Variants in MMAB observed in about 807,000 individuals in gnomAD.
MMAB encodes the protein metabolism of cobalamin associated B.
Under a neutral mutation model 30.6 loss-of-function variants are expected in MMAB, and 17 were observed. That is an observed-to-expected ratio of 0.56 (90% CI 0.38 to 0.83). MMAB has a LOEUF of 0.83. MMAB is among the 40% of genes least tolerant of loss of function. The pLI, the probability that MMAB is intolerant of heterozygous loss-of-function variation, is 0.00. For synonymous variants in MMAB, 134 were observed against 138.6 expected, an observed-to-expected ratio of 0.97 and a Z score of 0.23; for missense variants, 311 against 331.6, an observed-to-expected ratio of 0.94 and a Z score of 0.48.
Position 109,554,051 on chromosome 12 carries a change from C to T in MMAB, c.*2977G>A, listed in dbSNP as rs376090535. ...GGATCTATCAGAGCCTGGCATTGTT[C>T]GCCACAGCCCAGGTAGTGATTAAAA... On this transcript the variant is annotated 3_prime_UTR_variant, in exon 9 of 9. Transcript: ENST00000545712. 13 of 454,112 alleles carry T rather than the reference C, an allele frequency of 2.9e-5. No homozygotes were observed. The highest frequency in any genetic ancestry group is 1.7e-4 in the South Asian group (11 of 64,478). 28.1% of individuals were successfully genotyped at this position (454,112 alleles called of 1,614,324 possible). A position where few individuals can be genotyped will look rare whatever the true frequency, so the allele number is the denominator to read the frequency against.
chr12:109,562,261 A>G (rs1400207324), intron 4 of MMAB, among the ~76,000 whole-genome samples: 1 of 152,202 alleles, frequency 6.6e-6, no homozygotes, highest in South Asian at 2.1e-4. Context: ...CCTCCCCAGA[A>G]GCAGAAGCCT....
intron 8 of MMAB, 22 bp downstream of exon 8, chr12:109,559,073 AC>A: frequency 1.9e-6 from 3 of 1,602,080 alleles, no homozygotes; most frequent in Non-Finnish European, 2.6e-6. Flanking sequence ...TCAGAGAGGA[AC>A]CCCCAGGTTC....
At position 109,561,145 on chromosome 12, in the gene MMAB, G is replaced by C. The variant is rs199961081; in HGVS notation, c.520-41C>G. On this transcript the variant is annotated intron_variant, in intron 6 of 8. Coordinates refer to ENST00000545712, the MANE Select transcript of MMAB (RefSeq NM_052845.4). The surrounding 1 kb of genome is among the most constrained non-coding windows in gnomAD (Gnocchi z 5.3). ...GACATTGCCTGAGCAGGGTGGGAAAGGTGTGCCCACTGCGGACAGGAGCTC... is the reference window on the plus strand; with the variant it reads ...GACATTGCCTGAGCAGGGTGGGAAACGTGTGCCCACTGCGGACAGGAGCTC... 6.2e-7 allele frequency: 1 copy of C among 1,604,086 alleles called. No individual in the cohort carries two copies. The highest frequency in any genetic ancestry group is 8.5e-7 in the Non-Finnish European group (1 of 1,178,960).
chr12:109,572,626 G>A (rs183635353), intron 1 of MMAB, among the ~76,000 whole-genome samples: 176 of 151,956 alleles, frequency 1.2e-3, no homozygotes, highest in African/African-American at 4.2e-3. Flanking sequence ...CATGATCATA[G>A]CTCACTGCAG....
At chr12:109,563,054 G>C (rs977204841) in intron 4 of MMAB, among the ~76,000 whole-genome samples, 37 of 152,242 alleles carry the variant, frequency 2.4e-4, no homozygotes, top group African/African-American at 8.9e-4. Context: ...TGGTGTGTGA[G>C]AGCAGAGGCT....
At chr12:109,559,253 G>A (rs1410241366) in intron 7 of MMAB, 98 bp from the exon 8 acceptor site, 14 of 909,852 alleles carry the variant, frequency 1.5e-5, no homozygotes, top group African/African-American at 1.6e-5. Flanking sequence ...TCCTGCCACC[G>A]CTCAACCTGA....
At chr12:109,563,280 G>C (rs1223909938) in intron 4 of MMAB, among the ~76,000 whole-genome samples, 1 of 152,240 alleles carries the variant, frequency 6.6e-6, no homozygotes, top group African/African-American at 2.4e-5. Context: ...GCCTGGCTGT[G>C]GGGGCTGGGC....
At chr12:109,563,706 G>A (rs144477721) in intron 4 of MMAB, among the ~76,000 whole-genome samples, 4 of 152,346 alleles carry the variant, frequency 2.6e-5, no homozygotes, top group Admixed American at 2.0e-4. Context: ...GAGGTTGAAA[G>A]CCTTCCTCCA....
At position 109,553,897 on chromosome 12, in the gene MMAB, G is replaced by A. The variant is rs552636853; in HGVS notation, c.*3131C>T. 6.2e-5 allele frequency: 28 copies of A among 453,954 alleles called. No homozygotes were observed. Among genetic ancestry groups the A allele is most frequent in the Non-Finnish European group, 1.0e-4 (23 of 226,798 alleles). 28.1% of individuals were successfully genotyped at this position (453,954 alleles called of 1,614,324 possible). On this transcript the variant is annotated 3_prime_UTR_variant, in exon 9 of 9. Coordinates refer to ENST00000545712, the MANE Select transcript of MMAB (RefSeq NM_052845.4). Reference sequence around the variant, plus strand: ...GACATTGCCACTGACGGGGGCTTCCGAACTGGGGACGTTTGTCATTGGGAT... The same window carrying A: ...GACATTGCCACTGACGGGGGCTTCCAAACTGGGGACGTTTGTCATTGGGAT...
At chr12:109,572,807 T>C (rs1295146108) in intron 1 of MMAB, among the ~76,000 whole-genome samples, 1 of 152,148 alleles carries the variant, frequency 6.6e-6, no homozygotes, top group East Asian at 1.9e-4. Flanking sequence ...TACTCAGAGA[T>C]GAAGAATTGC....
Position 109,554,564 on chromosome 12 carries a change from C to T in MMAB, c.*2464G>A. Reference sequence around the variant, plus strand: ...AACAGGCTGCTGTTTGTTTCAAAACCCCGTGTTCCCGTGCAATGGGACTGA... The same window carrying T: ...AACAGGCTGCTGTTTGTTTCAAAACTCCGTGTTCCCGTGCAATGGGACTGA... On this transcript the variant is annotated 3_prime_UTR_variant, in exon 9 of 9. Transcript: ENST00000545712. The T allele has an allele frequency of 4.4e-6, 2 of 454,078 alleles. No homozygotes were observed. The highest frequency in any genetic ancestry group is 8.8e-6 in the Non-Finnish European group (2 of 226,792). The allele number at this position is 454,078 out of a possible 1,614,324, so 28.1% of individuals were successfully genotyped here. A position where few individuals can be genotyped will look rare whatever the true frequency, so the allele number is the denominator to read the frequency against.
rs769093129 is a variant in MMAB, at chr12:109,556,283, G to A, written c.*745C>T. 3.7e-5 allele frequency: 17 copies of A among 453,910 alleles called. No homozygotes were observed. Among genetic ancestry groups the A allele is most frequent in the Non-Finnish European group, 5.3e-5 (12 of 226,778 alleles). 28.1% of individuals were successfully genotyped at this position (453,910 alleles called of 1,614,324 possible). On this transcript the variant is annotated 3_prime_UTR_variant, in exon 9 of 9. Transcript: ENST00000545712. ...TTTCTCAAGCTGAAGATGCTGCACC[G>A]CAGACCCTTGACTCAGTCCAACCAG...
rs1480868193 is a variant in MMAB at position 109,556,048 on chromosome 12, T to G, written c.*980A>C. On this transcript the variant is annotated 3_prime_UTR_variant, in exon 9 of 9. Coordinates refer to ENST00000545712, the MANE Select transcript of MMAB (RefSeq NM_052845.4). Reference sequence around the variant, plus strand: ...TAGCAGCCTGCAGTCTTTAGGTTCTTGGGGCTGCCTCTTCTGCCCTTCATA... The same window carrying G: ...TAGCAGCCTGCAGTCTTTAGGTTCTGGGGGCTGCCTCTTCTGCCCTTCATA... The G allele has an allele frequency of 2.2e-6, 1 of 454,076 alleles. No individual in the cohort carries two copies. Among genetic ancestry groups the G allele is most frequent in the Admixed American group, 2.3e-5 (1 of 42,570 alleles). The allele number at this position is 454,076 out of a possible 1,614,324, so 28.1% of individuals were successfully genotyped here. A position where few individuals can be genotyped will look rare whatever the true frequency, so the allele number is the denominator to read the frequency against.
chr12:109,565,488 A>G (rs980263196), intron 3 of MMAB, among the ~76,000 whole-genome samples: 7 of 152,204 alleles, frequency 4.6e-5, no homozygotes, highest in African/African-American at 1.7e-4. Flanking sequence ...AGTTGGTGAC[A>G]GGGTGAGCAG....
chr12:109,572,795 T>A (rs1041961712), intron 1 of MMAB, among the ~76,000 whole-genome samples: 3 of 152,120 alleles, frequency 2.0e-5, no homozygotes, highest in Non-Finnish European at 4.4e-5. Flanking sequence ...AGGCTTCGAG[T>A]GTACTCAGAG....
chr12:109,556,467 A>C lies in MMAB; in HGVS notation c.*561T>G, dbSNP rs1433324963. ...CAATCTGCAGCTATCCTTCCCCCAC[A>C]CTTTGGCGGTGATGGGTGGCTCAGA... is the stretch of plus-strand genomic sequence containing the variant. On this transcript the variant is annotated 3_prime_UTR_variant, in exon 9 of 9. Coordinates refer to ENST00000545712, the MANE Select transcript of MMAB (RefSeq NM_052845.4). 1 of 453,812 alleles carries C rather than the reference A, an allele frequency of 2.2e-6. No individual in the cohort carries two copies. Among genetic ancestry groups the C allele is most frequent in the Non-Finnish European group, 4.4e-6 (1 of 226,772 alleles). 28.1% of individuals were successfully genotyped at this position (453,812 alleles called of 1,614,324 possible). A position where few individuals can be genotyped will look rare whatever the true frequency, so the allele number is the denominator to read the frequency against.
chr12:109,566,232 A>C (rs930115481), intron 3 of MMAB, among the ~76,000 whole-genome samples: 3 of 152,312 alleles, frequency 2.0e-5, no homozygotes, highest in African/African-American at 7.2e-5. Flanking sequence ...CACTGGCTGG[A>C]CCCACCTGAA....
rs764814561 is a variant in MMAB, at chr12:109,555,804, G to GT, written c.*1223dup. 4 of 454,052 alleles carry GT rather than the reference G, an allele frequency of 8.8e-6. No homozygotes were observed. The highest frequency in any genetic ancestry group is 6.2e-5 in the South Asian group (4 of 64,462). The allele number at this position is 454,052 out of a possible 1,614,324, so 28.1% of individuals were successfully genotyped here. ...TCCTGCAAACTTTGCAGGCCAGGTG[G>GT]TAAGAATGAAGGCAAAAATATGCAC... On this transcript the variant is annotated 3_prime_UTR_variant, in exon 9 of 9. Coordinates refer to ENST00000545712, the MANE Select transcript of MMAB (RefSeq NM_052845.4).
intron 3 of MMAB, among the ~76,000 whole-genome samples, chr12:109,566,105 G>A (rs1884414963): frequency 6.6e-6 from 1 of 152,220 alleles, no homozygotes; most frequent in African/African-American, 2.4e-5. Context: ...TCACTCAGCA[G>A]GGAGGGAGTT....
Sources: allele counts gnomAD v4.1 joint callset (sites outside exome capture counted in the v4.1 genomes callset), GRCh38; gene constraint gnomAD v4.1.1; non-coding constraint Gnocchi (gnomAD v3.1); transcripts MANE v1.5; gene names NCBI Gene and HGNC (gene_info 2026-07-23, HGNC 2026-07-21).